Variants in PLBD1 observed in about 807,000 individuals in gnomAD.
PLBD1 encodes lysosomal leucine aminopeptidase.
In PLBD1, 60 loss-of-function variants were observed where a neutral mutation model predicts 63.0. The ratio of observed to expected loss-of-function variants is 0.95; its 90% CI spans 0.77 to 1.18. PLBD1 has a LOEUF of 1.18. Ranked by LOEUF, PLBD1 falls within the 50% of genes most tolerant of loss-of-function variation. PLBD1 has a pLI of 0.00. For missense variants in PLBD1, 598 were observed against 677.9 expected (o/e 0.88, Z 1.31); for synonymous variants, 262 against 248.0 (o/e 1.06, Z -0.53).
chr12:14,518,632 A>G (rs1945352847), intron 6 of PLBD1, among the ~76,000 whole-genome samples: 2 of 152,136 alleles, frequency 1.3e-5, no homozygotes, highest in Admixed American at 1.3e-4. Flanking sequence ...TACCATGTCC[A>G]CATCAAAGTG....
chr12:14,511,393 A>G lies in PLBD1; in HGVS notation c.1053T>C (p.Tyr351=). The G allele has an allele frequency of 6.2e-7, 1 of 1,613,334 alleles. No individual in the cohort carries two copies. The highest frequency in any genetic ancestry group is 8.5e-7 in the Non-Finnish European group (1 of 1,179,626). ...GGTCCAGAACCATGTATTGATTGTT[A>G]TAGGTGCCTGAAATATCAGGAAACA... The part of the protein sequence containing the change: ...DIFSKYNSGT[Y]NNQYMVLDLK... The change falls in exon 8 of 11, where the codon TAT becomes TAC. Residue 351 remains tyrosine, a synonymous_variant. Coordinates refer to ENST00000240617, the MANE Select transcript of PLBD1 (RefSeq NM_024829.6).
At chr12:14,559,664 T>G (rs774760377) in intron 1 of PLBD1, among the ~76,000 whole-genome samples, 2 of 152,130 alleles carry the variant, frequency 1.3e-5, no homozygotes, top group Non-Finnish European at 2.9e-5. Flanking sequence ...AACAGCAATA[T>G]CCTCAAAATC....
At chr12:14,515,791 G>A (rs1043739881) in intron 6 of PLBD1, among the ~76,000 whole-genome samples, 6 of 152,156 alleles carry the variant, frequency 3.9e-5, no homozygotes, top group South Asian at 4.1e-4. Context: ...GCTCATGCCT[G>A]TAATCCCAGC....
At chr12:14,566,817 C>T (rs1187813302) in intron 1 of PLBD1, among the ~76,000 whole-genome samples, 1 of 149,086 alleles carries the variant, frequency 6.7e-6, no homozygotes, top group Admixed American at 6.7e-5. Context: ...AAAAAACTGC[C>T]GGGCGCGGTG....
At chr12:14,517,898 T>C (rs1230398105) in intron 6 of PLBD1, among the ~76,000 whole-genome samples, 8 of 152,182 alleles carry the variant, frequency 5.3e-5, no homozygotes, top group Admixed American at 5.2e-4. Context: ...AACAAAATGT[T>C]GGCCTGGCAC....
chr12:14,562,133 C>T (rs1174585456), intron 1 of PLBD1, among the ~76,000 whole-genome samples: 3 of 152,144 alleles, frequency 2.0e-5, no homozygotes, highest in Non-Finnish European at 4.4e-5. Context: ...TCATCTCTCT[C>T]AATCAAGAGA....
chr12:14,527,012 C>T lies in PLBD1; in HGVS notation c.844+8647G>A, dbSNP rs562013424. ...AAGAAAAACACCCAACATACACATA[C>T]GCCTTCAGACTTACAGACTTAAGCT... On this transcript the variant is annotated intron_variant, in intron 6 of 10. Transcript: ENST00000240617. 2.2e-4 allele frequency among the ~76,000 whole-genome samples: 34 copies of T among 152,150 alleles called. 1 individual carries two copies. The East Asian group carries it at 6.0e-3, about 27-fold the overall frequency.
intron 4 of PLBD1, among the ~76,000 whole-genome samples, chr12:14,539,094 C>T (rs531463910): frequency 8.5e-5 from 13 of 152,256 alleles, no homozygotes; most frequent in Non-Finnish European, 1.8e-4. Context: ...TTTCCAATCT[C>T]ATAGGTGCAA....
At position 14,506,944 on chromosome 12, in the gene PLBD1, A is replaced by G. The variant is rs1212685275; in HGVS notation, c.1361T>C (p.Met454Thr). ...VTDTASMKYI[M>T]RYNNYKKDPY... The stretch of plus-strand genomic sequence containing the variant: ...AATATGCTACGTACTGTTGTATCGC[A>G]TGATATATTTCATGGATGCCGTATC... The change falls in exon 9 of 11, where the codon ATG (methionine) becomes ACG (threonine). Residue 454 changes from methionine to threonine, a missense_variant. Transcript: ENST00000240617. The G allele has an allele frequency of 1.2e-6, 2 of 1,613,966 alleles. No homozygotes were observed. Among genetic ancestry groups the G allele is most frequent in the Non-Finnish European group, 8.5e-7 (1 of 1,179,946 alleles).
intron 1 of PLBD1, among the ~76,000 whole-genome samples, chr12:14,555,644 CGATGATCCAGA>C (rs781326206): frequency 3.3e-5 from 5 of 152,176 alleles, no homozygotes; most frequent in Non-Finnish European, 7.3e-5. Context: ...CACGCACATT[CGATGATCCAGA>C]GACCATCACA....
At chr12:14,545,525 G>A (rs1315134213) in intron 2 of PLBD1, among the ~76,000 whole-genome samples, 1 of 152,158 alleles carries the variant, frequency 6.6e-6, no homozygotes, top group African/African-American at 2.4e-5. Context: ...GAGCAAAGAG[G>A]AAGTCCCTGC....
At chr12:14,525,922 C>A (rs762610828) in intron 6 of PLBD1, among the ~76,000 whole-genome samples, 1 of 152,028 alleles carries the variant, frequency 6.6e-6, no homozygotes, top group Non-Finnish European at 1.5e-5. Flanking sequence ...TAACTTTATG[C>A]AAATTGTGAT....
intron 6 of PLBD1, among the ~76,000 whole-genome samples, chr12:14,524,903 T>C (rs1365948839): frequency 1.3e-5 from 2 of 152,058 alleles, no homozygotes; most frequent in East Asian, 3.9e-4. Context: ...GTACAGTAAA[T>C]GAAATGAAAA....
At chr12:14,505,781 C>T (rs1251540798) in intron 10 of PLBD1, among the ~76,000 whole-genome samples, 2 of 152,198 alleles carry the variant, frequency 1.3e-5, no homozygotes, top group East Asian at 1.9e-4. Flanking sequence ...GACTTTGGGC[C>T]AGTCTGGTAA....
At chr12:14,535,899 AG>A in intron 5 of PLBD1, 96 bp from the exon 6 acceptor site, 1 of 1,325,976 alleles carries the variant, frequency 7.5e-7, no homozygotes, top group South Asian at 1.3e-5. Context: ...GTGCCATTTC[AG>A]GTAAGTGTTT....
At chr12:14,565,602 T>C (rs968351425) in intron 1 of PLBD1, among the ~76,000 whole-genome samples, 4 of 152,188 alleles carry the variant, frequency 2.6e-5, no homozygotes, top group Non-Finnish European at 5.9e-5. Context: ...GAATTCCTAC[T>C]AAGTTCAGGG....
At chr12:14,521,542 A>G (rs1277051519) in intron 6 of PLBD1, among the ~76,000 whole-genome samples, 1 of 152,118 alleles carries the variant, frequency 6.6e-6, no homozygotes, top group Non-Finnish European at 1.5e-5. Context: ...AATTGCTAAC[A>G]TTGACTACAG....
At chr12:14,545,874 T>A (rs1053111617) in intron 2 of PLBD1, among the ~76,000 whole-genome samples, 2 of 152,228 alleles carry the variant, frequency 1.3e-5, no homozygotes, top group Non-Finnish European at 2.9e-5. Context: ...TTAACTATTA[T>A]TTACATATAG....
chr12:14,528,639 A>C (rs1299773907), intron 6 of PLBD1, among the ~76,000 whole-genome samples: 2 of 152,180 alleles, frequency 1.3e-5, no homozygotes, highest in East Asian at 3.8e-4. Context: ...AGAAAGATCA[A>C]AATCAGTTAT....
Sources: allele counts gnomAD v4.1 joint callset (sites outside exome capture counted in the v4.1 genomes callset), GRCh38; gene constraint gnomAD v4.1.1; transcripts MANE v1.5; gene names NCBI Gene and HGNC (gene_info 2026-07-23, HGNC 2026-07-21).